Variants in SAMD5 observed in about 807,000 individuals in gnomAD.
SAMD5 encodes the protein sterile alpha motif domain containing 5, also known as sterile alpha motif domain-containing protein 5.
SAMD5 carries 13 observed loss-of-function variants against 11.3 expected under a neutral mutation model. The observed-to-expected ratio is 1.15, with a 90% confidence interval of 0.75 to 1.83. SAMD5 has a LOEUF of 1.83. Ranked by LOEUF, SAMD5 falls within the 40% of genes most tolerant of loss-of-function variation. The probability of loss-of-function intolerance (pLI) is 0.00; values close to 1 mark genes in which losing one functional copy is unlikely to be tolerated. For synonymous variants in SAMD5, 129 were observed against 111.3 expected, an observed-to-expected ratio of 1.16 and a Z score of -1.00; for missense variants, 255 against 239.1, an observed-to-expected ratio of 1.07 and a Z score of -0.44.
chr6:147,919,018 A>G, the SAMD5 span, among the ~76,000 whole-genome samples: 32 of 152,140 alleles, frequency 2.1e-4, no homozygotes, highest in Non-Finnish European at 3.5e-4. Context: ...CTAACTCCAG[A>G]TGGCTAACAT....
the SAMD5 span, among the ~76,000 whole-genome samples, chr6:147,771,157 G>T: frequency 6.6e-6 from 1 of 152,212 alleles, no homozygotes; most frequent in Non-Finnish European, 1.5e-5. Flanking sequence ...ATGAAAAATG[G>T]TAGGTTCCAA....
the SAMD5 span, among the ~76,000 whole-genome samples, chr6:147,927,846 A>G: frequency 1.3e-5 from 2 of 152,180 alleles, no homozygotes; most frequent in South Asian, 2.1e-4. Context: ...TTCCTTCAAT[A>G]TCTAGTTTAC....
At chr6:147,691,105 C>T (rs1016871027) in intron 1 of SAMD5, among the ~76,000 whole-genome samples, 1 of 152,100 alleles carries the variant, frequency 6.6e-6, no homozygotes. Flanking sequence ...AGCCATTCTC[C>T]TGCCTCAGCC....
chr6:147,576,005 A>G (rs746277878), intron 1 of SAMD5, among the ~76,000 whole-genome samples: 2 of 152,198 alleles, frequency 1.3e-5, no homozygotes, highest in Non-Finnish European at 2.9e-5. Context: ...CACACCCACT[A>G]CTGGAAGCAG....
At chr6:147,523,397 G>T (rs892930935) in intron 1 of SAMD5, among the ~76,000 whole-genome samples, 4 of 152,132 alleles carry the variant, frequency 2.6e-5, no homozygotes, top group African/African-American at 9.7e-5. Flanking sequence ...CAGGGTACAG[G>T]AATAGTATTT....
chr6:147,747,930 T>A, the SAMD5 span, among the ~76,000 whole-genome samples: 3 of 152,172 alleles, frequency 2.0e-5, no homozygotes, highest in African/African-American at 4.8e-5. Context: ...ACCAAAGGAA[T>A]CATGCTTGGA....
At chr6:147,911,505 C>T in the SAMD5 span, among the ~76,000 whole-genome samples, 1 of 152,196 alleles carries the variant, frequency 6.6e-6, no homozygotes, top group Non-Finnish European at 1.5e-5. Context: ...AATTTAGGGC[C>T]CCTGCTCCAC....
At chr6:147,755,086 A>G in the SAMD5 span, among the ~76,000 whole-genome samples, 3 of 151,726 alleles carry the variant, frequency 2.0e-5, no homozygotes, top group African/African-American at 7.3e-5. Flanking sequence ...TTTTTTTTCT[A>G]TTTCTGAAGA....
At chr6:147,556,786 A>G (rs1788864804) in intron 1 of SAMD5, among the ~76,000 whole-genome samples, 1 of 152,238 alleles carries the variant, frequency 6.6e-6, no homozygotes, top group Non-Finnish European at 1.5e-5. Flanking sequence ...AAACAAAAAT[A>G]CTGGCAATTA....
chr6:147,686,072 T>A (rs552611854), intron 1 of SAMD5, among the ~76,000 whole-genome samples: 8 of 152,248 alleles, frequency 5.3e-5, no homozygotes, highest in Non-Finnish European at 1.2e-4. Flanking sequence ...ACTACCTGTA[T>A]TTATTGACCG....
chr6:147,949,782 A>G, the SAMD5 span, among the ~76,000 whole-genome samples: 2 of 152,196 alleles, frequency 1.3e-5, no homozygotes, highest in Non-Finnish European at 2.9e-5. Context: ...CTCTTATGTG[A>G]TATGGATAAC....
At chr6:147,786,029 G>A in the SAMD5 span, among the ~76,000 whole-genome samples, 4 of 152,204 alleles carry the variant, frequency 2.6e-5, no homozygotes, top group Non-Finnish European at 5.9e-5. Context: ...TTAATCTCCC[G>A]CTGTAATTAC....
intron 1 of SAMD5, among the ~76,000 whole-genome samples, chr6:147,534,283 A>G (rs572725219): frequency 6.6e-6 from 1 of 152,164 alleles, no homozygotes; most frequent in African/African-American, 2.4e-5. Context: ...GGGCGAAAGG[A>G]CTGTGTTCTT....
chr6:147,553,805 G>A (rs1443240695), intron 1 of SAMD5, among the ~76,000 whole-genome samples: 4 of 152,044 alleles, frequency 2.6e-5, no homozygotes, highest in Non-Finnish European at 5.9e-5. Flanking sequence ...AGTTAGCCAT[G>A]GTCTAACTTG....
At chr6:147,854,551 A>G in the SAMD5 span, among the ~76,000 whole-genome samples, 1 of 152,190 alleles carries the variant, frequency 6.6e-6, no homozygotes, top group African/African-American at 2.4e-5. Flanking sequence ...GACTTGCTCT[A>G]TTGTACCTTG....
At chr6:147,910,552 G>A in the SAMD5 span, among the ~76,000 whole-genome samples, 5 of 152,172 alleles carry the variant, frequency 3.3e-5, no homozygotes, top group East Asian at 3.9e-4. Context: ...GCAATGAGTC[G>A]AAAGGCTCAT....
chr6:147,884,463 A>G, the SAMD5 span, among the ~76,000 whole-genome samples: 1 of 152,344 alleles, frequency 6.6e-6, no homozygotes, highest in South Asian at 2.1e-4. Context: ...TATTCTGGTT[A>G]GTTACCTGCC....
the SAMD5 span, among the ~76,000 whole-genome samples, chr6:147,781,780 A>G: frequency 0.16 from 15,444 of 99,622 alleles, 893 homozygotes; most frequent in Middle Eastern, 0.2. Flanking sequence ...GCGCACACAC[A>G]CACACACACA....
chr6:147,560,490 A>C (rs1788930701), intron 1 of SAMD5, among the ~76,000 whole-genome samples: 1 of 152,208 alleles, frequency 6.6e-6, no homozygotes, highest in African/African-American at 2.4e-5. Flanking sequence ...ATATTTCTTC[A>C]GCAACCAAAT....
Sources: allele counts gnomAD v4.1 joint callset (sites outside exome capture counted in the v4.1 genomes callset), GRCh38; gene constraint gnomAD v4.1.1; transcripts MANE v1.5; gene names NCBI Gene and HGNC (gene_info 2026-07-23, HGNC 2026-07-21).